NPSR1: variants seen among roughly 807,000 people sequenced by gnomAD.
NPSR1 encodes the protein neuropeptide S receptor 1, also known as neuropeptide S receptor.
In NPSR1, 48 loss-of-function variants were observed where a neutral mutation model predicts 46.9. The observed-to-expected ratio is 1.02, with a 90% confidence interval of 0.81 to 1.30. NPSR1 has a LOEUF of 1.30. Ranked by LOEUF, NPSR1 falls within the 50% of genes most tolerant of loss-of-function variation. The pLI is 0.00. For missense variants in NPSR1, 450 were observed against 449.5 expected (o/e 1.00, Z -0.01); for synonymous variants, 176 against 168.1 (o/e 1.05, Z -0.36).
chr7:34,797,951 A>C (rs1788257875), intron 3 of NPSR1, among the ~76,000 whole-genome samples: 1 of 152,204 alleles, frequency 6.6e-6, no homozygotes, highest in African/African-American at 2.4e-5. Flanking sequence ...AAAGTGAAGA[A>C]GAAATAAAGA....
chr7:34,713,625 ATT>A (rs2128703524), intron 2 of NPSR1, among the ~76,000 whole-genome samples: 1 of 152,304 alleles, frequency 6.6e-6, no homozygotes, highest in Non-Finnish European at 1.5e-5. Context: ...CAGATGCAAT[ATT>A]TAGAGGCTGG....
chr7:34,671,192 AAATAT>A (rs1337117320), intron 1 of NPSR1, among the ~76,000 whole-genome samples: 19 of 80,876 alleles, frequency 2.3e-4, no homozygotes, highest in African/African-American at 7.1e-4. Flanking sequence ...AAAGCACAAT[AAATAT>A]AATATATTTC....
At chr7:34,802,205 G>A (rs1788455587) in intron 3 of NPSR1, among the ~76,000 whole-genome samples, 3 of 150,352 alleles carry the variant, frequency 2.0e-5, no homozygotes, top group Non-Finnish European at 4.4e-5. Context: ...CACAGAATTG[G>A]AAAAAACTAC....
chr7:34,793,212 C>T (rs80180259), intron 3 of NPSR1, among the ~76,000 whole-genome samples: 1,542 of 151,796 alleles, frequency 0.01, 28 homozygotes, highest in African/African-American at 0.035. Flanking sequence ...AATGGGATTG[C>T]AGGAAACTAA....
chr7:34,703,932 C>A (rs911192281), intron 2 of NPSR1: 4 of 152,152 alleles, frequency 2.6e-5, no homozygotes, highest in African/African-American at 9.7e-5. Context: ...TATTTTTTGG[C>A]GCACATTCAA....
chr7:34,805,573 A>G (rs1788658751), intron 3 of NPSR1, among the ~76,000 whole-genome samples: 1 of 151,738 alleles, frequency 6.6e-6, no homozygotes, highest in South Asian at 2.1e-4. Flanking sequence ...AATGCTCAAT[A>G]CTATTATATA....
intron 2 of NPSR1, among the ~76,000 whole-genome samples, chr7:34,742,780 A>T (rs1309906780): frequency 6.6e-6 from 1 of 152,242 alleles, no homozygotes; most frequent in East Asian, 1.9e-4. Context: ...CCAACAGTGT[A>T]TAATTCTTCC....
intron 2 of NPSR1, among the ~76,000 whole-genome samples, chr7:34,743,174 T>C (rs1785035452): frequency 6.6e-6 from 1 of 152,244 alleles, no homozygotes; most frequent in African/African-American, 2.4e-5. Context: ...TTGTCAATTG[T>C]TGATTTTGTT....
In NPSR1 at chr7:34,733,277, G is replaced by A. The variant is rs867738701; in HGVS notation, c.281-45185G>A. ...TCTACTAAAAATACAAAAATTAGCC[G>A]GGCACGATGGCGGTTGCCTGTAATC... is the stretch of plus-strand genomic sequence containing the variant. On this transcript the variant is annotated intron_variant, in intron 2 of 8. Coordinates refer to ENST00000360581, the MANE Select transcript of NPSR1 (RefSeq NM_207172.2). 4.4e-4 allele frequency among the ~76,000 whole-genome samples: 67 copies of A among 152,038 alleles called. 1 individual carries two copies. The highest frequency in any genetic ancestry group is 1.2e-3 in the African/African-American group (48 of 41,486).
intron 2 of NPSR1, among the ~76,000 whole-genome samples, chr7:34,746,871 A>T (rs532667901): frequency 4.9e-4 from 75 of 152,280 alleles, no homozygotes; most frequent in African/African-American, 1.7e-3. Flanking sequence ...TCTTGCCTGT[A>T]ATCCCAGCAC....
intron 8 of NPSR1, among the ~76,000 whole-genome samples, chr7:34,864,483 T>G (rs1791264805): frequency 6.6e-6 from 1 of 151,738 alleles, no homozygotes; most frequent in African/African-American, 2.4e-5. Flanking sequence ...AAATTAAAAT[T>G]AAATGATTAA....
At chr7:34,724,361 T>C (rs1784026510) in intron 2 of NPSR1, among the ~76,000 whole-genome samples, 1 of 152,206 alleles carries the variant, frequency 6.6e-6, no homozygotes, top group Non-Finnish European at 1.5e-5. Flanking sequence ...AACTTATTCA[T>C]TTCTACCCAT....
Position 34,868,769 on chromosome 7 carries a change from G to A in NPSR1, c.1026-9307G>A, listed in dbSNP as rs559858062. Among the ~76,000 whole-genome samples the A allele has an allele frequency of 2.6e-3, 396 of 151,748 alleles. 11 individuals are homozygous for A. The highest frequency in any genetic ancestry group is 8.4e-3 in the African/African-American group (345 of 41,052). ...CCATGGACTCCCGTTTAAACCCTGG[G>A]GGCAGGCAGGCAGGGTCACTAGAAG... On this transcript the variant is annotated intron_variant, in intron 8 of 8. Coordinates refer to the NPSR1 transcript ENST00000359791.
intron 2 of NPSR1, among the ~76,000 whole-genome samples, chr7:34,752,605 C>A (rs963078843): frequency 6.6e-6 from 1 of 152,064 alleles, no homozygotes; most frequent in Non-Finnish European, 1.5e-5. Flanking sequence ...ACCTGGCCTG[C>A]CACAATTATG....
chr7:34,776,443 C>G (rs1786961925), intron 2 of NPSR1, among the ~76,000 whole-genome samples: 1 of 152,076 alleles, frequency 6.6e-6, no homozygotes, highest in Non-Finnish European at 1.5e-5. Context: ...CCCTTTTTCA[C>G]TATATAGTAA....
chr7:34,723,803 G>A (rs572196914), intron 2 of NPSR1, among the ~76,000 whole-genome samples: 50 of 152,078 alleles, frequency 3.3e-4, no homozygotes, highest in East Asian at 2.1e-3. Context: ...ACTGCACCCC[G>A]CTCAGCACTT....
chr7:34,854,509 A>C (rs1001710142), downstream of NPSR1, among the ~76,000 whole-genome samples: 8 of 152,212 alleles, frequency 5.3e-5, no homozygotes, highest in African/African-American at 1.9e-4. Context: ...AAAGCTGGTA[A>C]GGCTATATTA....
At position 34,718,026 on chromosome 7, in the gene NPSR1, C is replaced by T. The variant is rs73691502; in HGVS notation, c.280+33342C>T. 3.5e-3 allele frequency among the ~76,000 whole-genome samples: 527 copies of T among 152,292 alleles called. 2 individuals are homozygous for T. The highest frequency in any genetic ancestry group is 0.012 in the African/African-American group (488 of 41,558). On this transcript the variant is annotated intron_variant, in intron 2 of 8. Transcript: ENST00000360581. ...CTTATCCTGATGACATATTTTAGGG[C>T]AGCAGTTTTTAACTTTCTAGTTTAC...
At chr7:34,783,411 T>C (rs773947120) in intron 3 of NPSR1, among the ~76,000 whole-genome samples, 2 of 152,058 alleles carry the variant, frequency 1.3e-5, no homozygotes. Flanking sequence ...ATCATGAGAA[T>C]ACCATGGGGG....
Sources: gnomAD v4.1 joint callset for allele counts (sites outside exome capture counted in the v4.1 genomes callset) on GRCh38, gnomAD v4.1.1 for gene constraint, MANE v1.5 for transcripts, NCBI Gene and HGNC (gene_info 2026-07-23, HGNC 2026-07-21) for gene names.